The following STAU1 variants were observed in gnomAD, a reference collection of about 807,000 sequenced individuals.
The protein encoded by STAU1 is staufen double-stranded RNA binding protein 1.
STAU1 carries 13 observed loss-of-function variants against 62.9 expected under a neutral mutation model. The ratio of observed to expected loss-of-function variants is 0.21; its 90% CI spans 0.13 to 0.33. STAU1 has a LOEUF of 0.33. Ranked by LOEUF, STAU1 falls within the 10% of genes least tolerant of loss-of-function variation. The pLI, the probability that STAU1 is intolerant of heterozygous loss-of-function variation, is 1.00. For missense variants in STAU1, 571 were observed against 712.1 expected (o/e 0.80, Z 2.25); for synonymous variants, 269 against 265.1 (o/e 1.01, Z -0.14).
intron 5 of STAU1, among the ~76,000 whole-genome samples, chr20:49,143,135 T>A (rs572890938): frequency 6.6e-6 from 1 of 152,188 alleles, no homozygotes; most frequent in South Asian, 2.1e-4. Flanking sequence ...ACTGACAAAA[T>A]GTTCCAAGTA....
At chr20:49,211,422 G>A in the STAU1 span, among the ~76,000 whole-genome samples, 1 of 151,040 alleles carries the variant, frequency 6.6e-6, no homozygotes, top group African/African-American at 2.4e-5. Flanking sequence ...CCAGGCTGGA[G>A]TGTAGTGGCT....
At chr20:49,213,962 A>C in the STAU1 span, among the ~76,000 whole-genome samples, 2 of 152,208 alleles carry the variant, frequency 1.3e-5, no homozygotes, top group Non-Finnish European at 2.9e-5. Context: ...CTGTAATCCC[A>C]GCACTTTGGG....
chr20:49,146,718 AG>A (rs1286883943), intron 5 of STAU1, among the ~76,000 whole-genome samples: 1 of 151,630 alleles, frequency 6.6e-6, no homozygotes, highest in African/African-American at 2.4e-5. Context: ...AAAAAAAAAA[AG>A]GAAAGAAAGA....
chr20:49,214,361 T>C, the STAU1 span, among the ~76,000 whole-genome samples: 6 of 151,578 alleles, frequency 4.0e-5, no homozygotes, highest in African/African-American at 1.5e-4. Flanking sequence ...CTACTAAACA[T>C]ACAAAAATTA....
At chr20:49,126,577 A>AAAAAAAAAAACAAAAAAAAAAAAC (rs2092621937) in intron 6 of STAU1, among the ~76,000 whole-genome samples, 7 of 35,062 alleles carry the variant, frequency 2.0e-4, no homozygotes, top group Non-Finnish European at 3.8e-4. Flanking sequence ...CAAAAAGCAA[A>AAAAAAAAAAACAAAAAAAAAAAAC]AAAAAAAAAA....
At chr20:49,118,814 A>G (rs1346204278) in intron 9 of STAU1, among the ~76,000 whole-genome samples, 1 of 152,264 alleles carries the variant, frequency 6.6e-6, no homozygotes, top group East Asian at 1.9e-4. Context: ...CTGATATCCA[A>G]TTAAAAAATA....
Position 49,134,434 on chromosome 20 carries a change from G to GAAAA in STAU1, c.609+1395_609+1398dup, listed in dbSNP as rs3091730. On this transcript the variant is annotated intron_variant, in intron 6 of 13. Coordinates refer to ENST00000371856, the MANE Select transcript of STAU1 (RefSeq NM_017453.4). ...CGACAAGAGTGAAACTCATCTCAGG[G>GAAAA]AAAAAAAAAAAAAAAGCTCTGGGTT... 1.1e-3 allele frequency: 488 copies of GAAAA among 435,828 alleles called. 29 individuals carry two copies. Among genetic ancestry groups the GAAAA allele is most frequent in the Admixed American group, 5.6e-3 (174 of 30,864 alleles). The allele number at this position is 435,828 out of a possible 1,614,324, so 27.0% of individuals were successfully genotyped here.
the STAU1 span, chr20:49,219,291 C>A: frequency 6.7e-7 from 1 of 1,483,680 alleles, no homozygotes; most frequent in Non-Finnish European, 9.0e-7. Context: ...CCCCATATTG[C>A]CGCATGCGCA....
At chr20:49,197,956 G>A in the STAU1 span, among the ~76,000 whole-genome samples, 1 of 152,000 alleles carries the variant, frequency 6.6e-6, no homozygotes, top group African/African-American at 2.4e-5. Flanking sequence ...AAATCCTCTG[G>A]CCTCAGCCTA....
intron 5 of STAU1, 44 bp from the exon 6 acceptor site, chr20:49,135,975 C>A: frequency 6.7e-7 from 1 of 1,485,074 alleles, no homozygotes; most frequent in South Asian, 1.2e-5. Context: ...TTAAAATAGT[C>A]AATGGCCAGG....
At chr20:49,207,407 G>A in the STAU1 span, among the ~76,000 whole-genome samples, 1 of 152,150 alleles carries the variant, frequency 6.6e-6, no homozygotes, top group Non-Finnish European at 1.5e-5. Flanking sequence ...AAGAAATAGA[G>A]AAGTCCTCCG....
intron 1 of STAU1, among the ~76,000 whole-genome samples, chr20:49,184,536 G>GT (rs750814733): frequency 6.6e-6 from 1 of 151,886 alleles, no homozygotes; most frequent in Non-Finnish European, 1.5e-5. Context: ...TCCACAGACA[G>GT]TTTTTTTTCT....
chr20:49,195,754 T>C, the STAU1 span, among the ~76,000 whole-genome samples: 1 of 149,134 alleles, frequency 6.7e-6, no homozygotes, highest in Non-Finnish European at 1.5e-5. Context: ...AAATACAAAA[T>C]TAGCCAGGCA....
the STAU1 span, among the ~76,000 whole-genome samples, chr20:49,200,858 G>A: frequency 2.0e-5 from 3 of 150,662 alleles, no homozygotes; most frequent in Admixed American, 1.3e-4. Flanking sequence ...AATATAGTGA[G>A]ATGCCGTCTC....
intron 3 of STAU1, chr20:49,159,117 T>C: frequency 1.8e-6 from 2 of 1,110,618 alleles, no homozygotes; most frequent in Non-Finnish European, 2.2e-6. Flanking sequence ...TTGGTGATTG[T>C]CTCATGGATA....
intron 10 of STAU1, 25 bp downstream of exon 10, chr20:49,118,308 A>G: frequency 1.2e-6 from 2 of 1,600,292 alleles, no homozygotes; most frequent in Non-Finnish European, 1.7e-6. Context: ...CGTTCAGAGG[A>G]AGACGATATT....
chr20:49,210,816 T>C, the STAU1 span, among the ~76,000 whole-genome samples: 13 of 152,210 alleles, frequency 8.5e-5, no homozygotes, highest in Non-Finnish European at 1.2e-4. Flanking sequence ...TGAATTCACA[T>C]AATATAAAAT....
At chr20:49,190,905 ATTT>A (rs11477133), upstream of STAU1, among the ~76,000 whole-genome samples, 6 of 140,278 alleles carry the variant, frequency 4.3e-5, no homozygotes, top group South Asian at 2.3e-4. Flanking sequence ...GAGATGCTGA[ATTT>A]TTTTTTTTTT....
chr20:49,149,291 C>CAG (rs1555851175), intron 5 of STAU1, among the ~76,000 whole-genome samples: 2 of 147,304 alleles, frequency 1.4e-5, no homozygotes, highest in Non-Finnish European at 3.0e-5. Flanking sequence ...CACACACACA[C>CAG]CAGCAAGAAC....
Sources: allele counts gnomAD v4.1 joint callset (sites outside exome capture counted in the v4.1 genomes callset), GRCh38; gene constraint gnomAD v4.1.1; transcripts MANE v1.5; gene names NCBI Gene and HGNC (gene_info 2026-07-23, HGNC 2026-07-21).